Variants in LRRC7 observed in about 807,000 individuals in gnomAD.
The protein encoded by LRRC7 is leucine rich repeat containing 7.
Under a neutral mutation model 175.7 loss-of-function variants are expected in LRRC7, and 23 were observed. The ratio of observed to expected loss-of-function variants is 0.13; its 90% CI spans 0.09 to 0.19. The LOEUF is 0.19. Ranked by LOEUF, LRRC7 falls within the 10% of genes least tolerant of loss-of-function variation. The pLI, the probability that LRRC7 is intolerant of heterozygous loss-of-function variation, is 1.00. For missense variants in LRRC7, 1,354 were observed against 1,904.7 expected (o/e 0.71, Z 5.38); for synonymous variants, 685 against 680.9 (o/e 1.01, Z -0.09).
At chr1:69,685,584 A>G (rs1049041943) in intron 2 of LRRC7, among the ~76,000 whole-genome samples, 17 of 152,290 alleles carry the variant, frequency 1.1e-4, no homozygotes, top group African/African-American at 4.1e-4. Flanking sequence ...TTACCAAAAT[A>G]AAAATATCAC....
At chr1:69,793,815 T>C (rs1240718528) in intron 4 of LRRC7, among the ~76,000 whole-genome samples, 4 of 152,094 alleles carry the variant, frequency 2.6e-5, no homozygotes, top group African/African-American at 9.7e-5. Context: ...CCAGTAAATA[T>C]CTATTCAATG....
chr1:69,863,012 T>C (rs1684529654), intron 7 of LRRC7, among the ~76,000 whole-genome samples: 1 of 152,198 alleles, frequency 6.6e-6, no homozygotes, highest in Non-Finnish European at 1.5e-5. Flanking sequence ...GAATTCATCA[T>C]TTACATCACT....
intron 13 of LRRC7, among the ~76,000 whole-genome samples, chr1:70,014,896 C>G (rs1477183443): frequency 2.6e-5 from 4 of 151,926 alleles, no homozygotes; most frequent in Non-Finnish European, 5.9e-5. Flanking sequence ...CTAGCAGTTT[C>G]TTCATATTCT....
chr1:70,086,157 G>C (rs972847903), intron 24 of LRRC7, among the ~76,000 whole-genome samples: 2 of 151,630 alleles, frequency 1.3e-5, no homozygotes, highest in Admixed American at 1.3e-4. Context: ...TTTAGTGAGA[G>C]GGCTCACCCA....
intron 11 of LRRC7, among the ~76,000 whole-genome samples, chr1:69,997,373 C>T (rs973350840): frequency 3.3e-5 from 5 of 149,704 alleles, no homozygotes; most frequent in African/African-American, 1.2e-4. Flanking sequence ...TCCTCTTTTC[C>T]TAATTGAATA....
chr1:69,580,703 A>G (rs946695876), intron 1 of LRRC7, among the ~76,000 whole-genome samples: 3 of 152,202 alleles, frequency 2.0e-5, no homozygotes, highest in Admixed American at 2.0e-4. Context: ...CTAAATATTT[A>G]CTGTGTGCCA....
chr1:70,096,604 AT>A (rs1026556153), intron 25 of LRRC7, among the ~76,000 whole-genome samples: 9 of 152,174 alleles, frequency 5.9e-5, no homozygotes, highest in African/African-American at 1.7e-4. Flanking sequence ...AAAAAAAAAA[AT>A]CACACGTTCC....
chr1:69,590,950 CAG>C (rs1162519937), intron 1 of LRRC7, among the ~76,000 whole-genome samples: 2 of 151,996 alleles, frequency 1.3e-5, no homozygotes, highest in East Asian at 3.9e-4. Flanking sequence ...TATAAAATGT[CAG>C]AGACAAGTAT....
intron 23 of LRRC7, among the ~76,000 whole-genome samples, chr1:70,059,721 A>G (rs554507382): frequency 6.6e-6 from 1 of 152,202 alleles, no homozygotes; most frequent in South Asian, 2.1e-4. Flanking sequence ...AAAAATTTAG[A>G]AAGGTAAGAT....
At chr1:69,959,883 G>A (rs1406849420) in intron 8 of LRRC7, among the ~76,000 whole-genome samples, 2 of 152,220 alleles carry the variant, frequency 1.3e-5, no homozygotes, top group East Asian at 3.9e-4. Flanking sequence ...GCTGGATTCA[G>A]TTTGTCAGTA....
intron 2 of LRRC7, among the ~76,000 whole-genome samples, chr1:69,717,853 G>GAAAGAAAGAAA (rs1309359434): frequency 1.3e-4 from 2 of 15,632 alleles, no homozygotes; most frequent in African/African-American, 8.1e-4. Flanking sequence ...AAGAAAGAAA[G>GAAAGAAAGAAA]GAAAGAAAGA....
chr1:69,992,490 C>T (rs1025197176), intron 10 of LRRC7, among the ~76,000 whole-genome samples: 14 of 151,994 alleles, frequency 9.2e-5, no homozygotes, highest in African/African-American at 3.1e-4. Flanking sequence ...TATAGAAATG[C>T]GATAAAGATG....
intron 1 of LRRC7, among the ~76,000 whole-genome samples, chr1:69,633,485 G>A (rs985494393): frequency 1.3e-5 from 2 of 151,936 alleles, no homozygotes; most frequent in African/African-American, 4.8e-5. Context: ...CTGGAATGCA[G>A]TGGTGCGATC....
intron 2 of LRRC7, among the ~76,000 whole-genome samples, chr1:69,730,568 C>T (rs2100815312): frequency 6.6e-6 from 1 of 152,256 alleles, no homozygotes; most frequent in African/African-American, 2.4e-5. Flanking sequence ...GTCCATATCA[C>T]TATTAACATT....
At chr1:69,641,304 C>G (rs1205493205) in intron 1 of LRRC7, among the ~76,000 whole-genome samples, 1 of 151,582 alleles carries the variant, frequency 6.6e-6, no homozygotes, top group Non-Finnish European at 1.5e-5. Flanking sequence ...TTACCTATCT[C>G]AGACCTTTTA....
chr1:69,618,657 G>A (rs1024679332), intron 1 of LRRC7, among the ~76,000 whole-genome samples: 7 of 152,062 alleles, frequency 4.6e-5, no homozygotes, highest in African/African-American at 1.4e-4. Context: ...TATCATTTCT[G>A]CTAATGAAAC....
At position 69,783,330 on chromosome 1, in the gene LRRC7, G is replaced by T. The variant is rs560939363; in HGVS notation, c.304-8713G>T. Among the ~76,000 whole-genome samples, 5 of 152,332 alleles carry T rather than the reference G, an allele frequency of 3.3e-5. No individual in the cohort carries two copies. The East Asian group carries it at 9.6e-4, about 29-fold the overall frequency. Reference sequence around the variant, plus strand: ...ATAGAATTCTGGTGACCCAGCTAGAGTGAGAGAGGGATAGACAAATAGACC... The same window carrying T: ...ATAGAATTCTGGTGACCCAGCTAGATTGAGAGAGGGATAGACAAATAGACC... On this transcript the variant is annotated intron_variant, in intron 3 of 26. Transcript: ENST00000651989.
At chr1:70,074,099 G>A (rs917572278) in intron 23 of LRRC7, among the ~76,000 whole-genome samples, 2 of 152,142 alleles carry the variant, frequency 1.3e-5, no homozygotes, top group Admixed American at 1.3e-4. Context: ...CTACTTGGGA[G>A]GCTGAGGCAG....
chr1:69,977,924 A>T (rs1397466751), intron 8 of LRRC7, among the ~76,000 whole-genome samples: 2 of 152,224 alleles, frequency 1.3e-5, no homozygotes, highest in Non-Finnish European at 2.9e-5. Flanking sequence ...TACAGTTACA[A>T]GTTTATACAT....
Sources: gnomAD v4.1 joint callset for allele counts (sites outside exome capture counted in the v4.1 genomes callset) on GRCh38, gnomAD v4.1.1 for gene constraint, MANE v1.5 for transcripts, NCBI Gene and HGNC (gene_info 2026-07-23, HGNC 2026-07-21) for gene names.